SLC26A8: variants seen among roughly 807,000 people sequenced by gnomAD.
SLC26A8 encodes solute carrier family 26 member 8, also known as testis anion transporter 1.
A neutral mutation model predicts 105.0 loss-of-function variants in SLC26A8; 70 were observed. The ratio of observed to expected loss-of-function variants is 0.67; its 90% CI spans 0.55 to 0.81. The LOEUF is 0.81. Ranked by LOEUF, SLC26A8 falls within the 40% of genes least tolerant of loss-of-function variation. The pLI, the probability that SLC26A8 is intolerant of heterozygous loss-of-function variation, is 0.00. For missense variants in SLC26A8, 998 were observed against 1,181.8 expected (o/e 0.84, Z 2.28); for synonymous variants, 415 against 438.3 (o/e 0.95, Z 0.66).
At chr6:35,990,900 GA>G (rs1010726851) in intron 7 of SLC26A8, among the ~76,000 whole-genome samples, 10 of 150,818 alleles carry the variant, frequency 6.6e-5, no homozygotes, top group East Asian at 1.9e-4. Flanking sequence ...TTCATAAGGG[GA>G]AAAAAAAACC....
chr6:36,000,656 T>C (rs1761495249), intron 3 of SLC26A8, among the ~76,000 whole-genome samples: 1 of 152,222 alleles, frequency 6.6e-6, no homozygotes, highest in South Asian at 2.1e-4. Flanking sequence ...TTGAAGCAAA[T>C]GGACTAACAG....
chr6:35,996,204 G>T (rs1049283500), intron 5 of SLC26A8, among the ~76,000 whole-genome samples: 1 of 152,108 alleles, frequency 6.6e-6, no homozygotes, highest in Non-Finnish European at 1.5e-5. Flanking sequence ...GCTGGAGTCT[G>T]CCCACTTTGA....
intron 2 of SLC26A8, among the ~76,000 whole-genome samples, chr6:36,018,018 A>G (rs1762038788): frequency 6.6e-6 from 1 of 152,216 alleles, no homozygotes; most frequent in Non-Finnish European, 1.5e-5. Context: ...GCTATAATTT[A>G]AAAAAATGGA....
intron 16 of SLC26A8, 117 bp from the exon 17 acceptor site, chr6:35,955,637 C>T (rs1772032266): frequency 7.6e-7 from 1 of 1,323,322 alleles, no homozygotes; most frequent in African/African-American, 1.5e-5. Context: ...TGAAACTTCT[C>T]CCGAGAGTAG....
At chr6:35,968,581 A>C (rs1581642394) in intron 11 of SLC26A8, among the ~76,000 whole-genome samples, 1 of 123,778 alleles carries the variant, frequency 8.1e-6, no homozygotes, top group Non-Finnish European at 1.6e-5. Flanking sequence ...AAATATACAT[A>C]TGTGTGTATG....
chr6:36,000,155 C>CA, intron 3 of SLC26A8, 47 bp from the exon 4 acceptor site: 1 of 1,230,444 alleles, frequency 8.1e-7, no homozygotes, highest in East Asian at 2.3e-5. Context: ...CTTTAAAAGT[C>CA]ACCTTAAATA....
intron 14 of SLC26A8, 93 bp from the exon 15 acceptor site, chr6:35,959,899 T>G: frequency 2.0e-6 from 2 of 1,008,368 alleles, no homozygotes; most frequent in African/African-American, 1.7e-5. Flanking sequence ...GAGTCTGTAT[T>G]CTTCTTTTTT....
intron 19 of SLC26A8, among the ~76,000 whole-genome samples, chr6:35,947,019 C>G (rs928466251): frequency 6.6e-6 from 1 of 151,664 alleles, no homozygotes; most frequent in Non-Finnish European, 1.5e-5. Context: ...AGCATCACCA[C>G]TAGTCTTTTA....
At chr6:35,968,772 G>GTCCCCC in intron 11 of SLC26A8, 105 bp downstream of exon 11, 4 of 103,686 alleles carry the variant, frequency 3.9e-5, no homozygotes, top group South Asian at 4.5e-4. Flanking sequence ...CCTCGGAGAT[G>GTCCCCC]CCCGCCCCCC....
Position 35,960,932 on chromosome 6 carries a change from C to A in SLC26A8, c.1569-20G>T, listed in dbSNP as rs778072927. On this transcript the variant is annotated intron_variant, in intron 13 of 19. Transcript: ENST00000490799. ...TTAGCTCTGAAAGGAAATGCACTTGCCTTTAGGTCAGAGTTGGCTTACCTT... is the reference window on the plus strand; with the variant it reads ...TTAGCTCTGAAAGGAAATGCACTTGACTTTAGGTCAGAGTTGGCTTACCTT... 4 of 1,613,956 alleles carry A rather than the reference C, an allele frequency of 2.5e-6. No individual in the cohort carries two copies. In the South Asian group the frequency reaches 3.3e-5, roughly 13 times the overall value.
chr6:35,997,541 T>C (rs1295793192), intron 5 of SLC26A8, among the ~76,000 whole-genome samples, 197 bp downstream of exon 5: 1 of 152,102 alleles, frequency 6.6e-6, no homozygotes, highest in Non-Finnish European at 1.5e-5. Flanking sequence ...CCTAAATCAG[T>C]GGTAGATGAT....
chr6:35,949,639 A>G (rs1771791185), intron 19 of SLC26A8, among the ~76,000 whole-genome samples: 1 of 151,294 alleles, frequency 6.6e-6, no homozygotes, highest in South Asian at 2.1e-4. Flanking sequence ...ATATGTAAAA[A>G]CAAATATATC....
At chr6:36,022,996 G>GAAA (rs139952027) in intron 1 of SLC26A8, among the ~76,000 whole-genome samples, 1 of 150,128 alleles carries the variant, frequency 6.7e-6, no homozygotes, top group Non-Finnish European at 1.5e-5. Flanking sequence ...TTGCTAGGTA[G>GAAA]AAAAAAAGCA....
intron 7 of SLC26A8, among the ~76,000 whole-genome samples, chr6:35,982,736 C>T (rs1394264715): frequency 1.3e-5 from 2 of 152,086 alleles, no homozygotes; most frequent in Non-Finnish European, 2.9e-5. Context: ...TTTTTAGTTC[C>T]AGGTACATTG....
At chr6:35,968,609 G>GTATATATATATATATA (rs55987809) in intron 11 of SLC26A8, among the ~76,000 whole-genome samples, 1 of 60,072 alleles carries the variant, frequency 1.7e-5, no homozygotes, top group Non-Finnish European at 3.3e-5. Context: ...GTGTGTGTGT[G>GTATATATATATATATA]TATATATATA....
At chr6:35,968,611 AT>A (rs1562030768) in intron 11 of SLC26A8, among the ~76,000 whole-genome samples, 1,228 of 44,076 alleles carry the variant, frequency 0.028, 45 homozygotes, top group Admixed American at 0.038. Context: ...GTGTGTGTGT[AT>A]ATATATATAT....
At chr6:36,007,070 A>G (rs894674073) in intron 3 of SLC26A8, among the ~76,000 whole-genome samples, 5 of 152,228 alleles carry the variant, frequency 3.3e-5, no homozygotes, top group African/African-American at 1.2e-4. Flanking sequence ...CCCTATGTTC[A>G]GGAAGAAGGC....
intron 11 of SLC26A8, among the ~76,000 whole-genome samples, chr6:35,962,908 G>A (rs955109014): frequency 1.3e-5 from 2 of 152,030 alleles, no homozygotes; most frequent in Non-Finnish European, 2.9e-5. Context: ...GGCTCAAGAC[G>A]TCCTCCCCAC....
chr6:35,951,467 CA>C lies in SLC26A8; in HGVS notation c.2264del (p.Leu755Ter). 6.2e-7 allele frequency: 1 copy of C among 1,614,118 alleles called. No homozygotes were observed. The highest frequency in any genetic ancestry group is 8.5e-7 in the Non-Finnish European group (1 of 1,180,026). On this transcript the variant is annotated frameshift_variant, in exon 18 of 20. Transcript: ENST00000490799. LOFTEE classifies it high-confidence loss of function. ...ICNAFQNANI[L>X]ILIAGCHSSI... ...CACAGTGACACCCTGCAATGAGTAT[CA>C]AAATGTTGGCGTTTTGAAAGGCATT...
Sources: allele counts gnomAD v4.1 joint callset (sites outside exome capture counted in the v4.1 genomes callset), GRCh38; gene constraint gnomAD v4.1.1; transcripts MANE v1.5; gene names NCBI Gene and HGNC (gene_info 2026-07-23, HGNC 2026-07-21).